The following CFAP57 variants were observed in gnomAD, a reference collection of about 807,000 sequenced individuals.
The protein encoded by CFAP57 is cilia and flagella associated protein 57, also known as cilia- and flagella-associated protein 57.
CFAP57 carries 116 observed loss-of-function variants against 146.8 expected under a neutral mutation model. That is an observed-to-expected ratio of 0.79 (90% CI 0.68 to 0.92). CFAP57 has a LOEUF of 0.92. Among genes scored for constraint, CFAP57 ranks in the 40% least tolerant of loss-of-function variants. The pLI is 0.00. For synonymous variants in CFAP57, 518 were observed against 552.8 expected, an observed-to-expected ratio of 0.94 and a Z score of 0.88; for missense variants, 1,377 against 1,527.2, an observed-to-expected ratio of 0.90 and a Z score of 1.64.
intron 12 of CFAP57, among the ~76,000 whole-genome samples, chr1:43,217,066 C>T (rs1035155097): frequency 2.6e-5 from 4 of 152,204 alleles, no homozygotes; most frequent in African/African-American, 7.2e-5. Flanking sequence ...CAGATCCTTC[C>T]AGGACAAATG....
Position 43,181,643 on chromosome 1 carries a change from G to A in CFAP57, c.267G>A (p.Leu89=), listed in dbSNP as rs1297032788. ...QEKPAITIYE[L]SSIPCRKRKV... is the part of the protein sequence containing the mutation. Reference sequence around the variant, plus strand: ...AACCTGCCATCACCATTTATGAATTGTCATCCATCCCTTGCCGGAAGCGCA... The same window carrying A: ...AACCTGCCATCACCATTTATGAATTATCATCCATCCCTTGCCGGAAGCGCA... Residue 89 remains leucine (L), a synonymous_variant, in exon 3 of 23, where the codon TTG becomes TTA. Coordinates refer to ENST00000372492, the MANE Select transcript of CFAP57 (RefSeq NM_001378189.1). The A allele has an allele frequency of 1.2e-6, 2 of 1,614,142 alleles. No individual in the cohort carries two copies. Among genetic ancestry groups the A allele is most frequent in the East Asian group, 2.2e-5 (1 of 44,894 alleles).
intron 7 of CFAP57, among the ~76,000 whole-genome samples, chr1:43,198,228 T>C (rs1021683897): frequency 1.3e-5 from 2 of 152,166 alleles, no homozygotes; most frequent in African/African-American, 4.8e-5. Flanking sequence ...TGGACAATAC[T>C]CATGAATTTT....
At chr1:43,219,308 C>T in intron 12 of CFAP57, 74 bp from the exon 13 acceptor site, 2 of 1,460,026 alleles carry the variant, frequency 1.4e-6, no homozygotes, top group South Asian at 2.9e-5. Flanking sequence ...GGTCTCAGGT[C>T]AAGGCCGCAG....
chr1:43,232,711 C>T (rs1209069644), intron 19 of CFAP57, 87 bp downstream of exon 19: 3 of 872,470 alleles, frequency 3.4e-6, no homozygotes, highest in Admixed American at 5.6e-5. Context: ...GAGGCAGAGC[C>T]AGCCCACTGC....
chr1:43,184,237 G>A (rs1457576589), intron 4 of CFAP57, among the ~76,000 whole-genome samples: 6 of 152,134 alleles, frequency 3.9e-5, no homozygotes, highest in African/African-American at 1.4e-4. Context: ...CTAGATGCTG[G>A]GGACACAAGT....
chr1:43,217,805 A>G (rs1644892928), intron 12 of CFAP57, among the ~76,000 whole-genome samples: 1 of 151,826 alleles, frequency 6.6e-6, no homozygotes, highest in Non-Finnish European at 1.5e-5. Flanking sequence ...GATCTTTATA[A>G]CACCAAAGTC....
intron 9 of CFAP57, among the ~76,000 whole-genome samples, chr1:43,202,086 TGGTCTC>T (rs1289841744): frequency 2.9e-4 from 44 of 152,306 alleles, no homozygotes; most frequent in Non-Finnish European, 2.9e-5. Flanking sequence ...CTTAAAACAC[TGGTCTC>T]TAATTAGGGA....
chr1:43,210,057 A>G (rs770140877), intron 11 of CFAP57, 141 bp downstream of exon 11: 28 of 1,613,898 alleles, frequency 1.7e-5, no homozygotes, highest in Non-Finnish European at 2.2e-5. Context: ...ATCACCATCT[A>G]TTGACTATGA....
rs1486008206 is a variant in CFAP57, at chr1:43,243,263, C to T, written c.3442C>T (p.Arg1148Cys). 4.5e-5 allele frequency: 70 copies of T among 1,550,044 alleles called. No individual in the cohort carries two copies. The East Asian group carries it at 7.8e-4, about 17-fold the overall frequency. ...TCTGATCAAGGAAATTAATGAGCTC[C>T]GCAGGGAGCTGAAGTTCACTCGGTC... ...VSLIKEINEL[R>C]RELKFTRSQV... Residue 1148 changes from arginine to cysteine, a missense_variant, in exon 22 of 23, where the codon CGC (arginine) becomes TGC (cysteine). Transcript: ENST00000372492.
At position 43,206,705 on chromosome 1, in the gene CFAP57, C is replaced by A. The variant is rs1644371432; in HGVS notation, c.1543-15C>A. 6.2e-7 allele frequency: 1 copy of A among 1,613,762 alleles called. No individual in the cohort carries two copies. Among genetic ancestry groups the A allele is most frequent in the Admixed American group, 1.7e-5 (1 of 59,922 alleles). On this transcript the variant is annotated splice_polypyrimidine_tract_variant and intron_variant, in intron 9 of 22. Coordinates refer to ENST00000372492, the MANE Select transcript of CFAP57 (RefSeq NM_001378189.1). Reference sequence around the variant, plus strand: ...TGTGTACACTCTTCACTGGATATGTCTTCCTCTCCTGCAGATTCGCTCAAT... The same window carrying A: ...TGTGTACACTCTTCACTGGATATGTATTCCTCTCCTGCAGATTCGCTCAAT...
At chr1:43,224,232 G>A in intron 17 of CFAP57, 28 bp downstream of exon 17, 3 of 1,500,634 alleles carry the variant, frequency 2.0e-6, no homozygotes, top group Non-Finnish European at 2.7e-6. Flanking sequence ...TCCTCCCTCA[G>A]CTACGGCCAG....
At position 43,177,144 on chromosome 1, in the gene CFAP57, G is replaced by A. The variant is rs751778136; in HGVS notation, c.157+4234G>A. On this transcript the variant is annotated intron_variant, in intron 2 of 22. Transcript: ENST00000372492. ...AGGTTCATTCTGGCTGCTGTACAGA[G>A]GACAGATTTAAGGAGGAGAAAGAAA... 40 of 456,270 alleles carry A rather than the reference G, an allele frequency of 8.8e-5. No individual in the cohort carries two copies. The Middle Eastern group carries it at 1.6e-3, about 19-fold the overall frequency. The allele number at this position is 456,270 out of a possible 1,614,324, so 28.3% of individuals were successfully genotyped here. A position where few individuals can be genotyped will look rare whatever the true frequency, so the allele number is the denominator to read the frequency against.
chr1:43,203,564 G>A (rs984824099), intron 9 of CFAP57, among the ~76,000 whole-genome samples: 2 of 152,100 alleles, frequency 1.3e-5, no homozygotes, highest in Non-Finnish European at 2.9e-5. Context: ...GGGTTCAAAC[G>A]ATTCTCCTGC....
intron 22 of CFAP57, 31 bp downstream of exon 22, chr1:43,243,390 C>T (rs1184618951): frequency 2.7e-6 from 4 of 1,486,506 alleles, no homozygotes; most frequent in Admixed American, 2.3e-5. Flanking sequence ...GGGAGATGGG[C>T]ACTGGGACGA....
At chr1:43,184,945 C>T (rs1055610185) in intron 4 of CFAP57, 5 of 596,324 alleles carry the variant, frequency 8.4e-6, no homozygotes, top group Non-Finnish European at 1.5e-5. Context: ...ACTCCACACG[C>T]CCCAAGCACT....
At chr1:43,244,427 A>G (rs952141060) in intron 22 of CFAP57, among the ~76,000 whole-genome samples, 1 of 152,172 alleles carries the variant, frequency 6.6e-6, no homozygotes, top group Non-Finnish European at 1.5e-5. Context: ...CTATATAACT[A>G]TATACATTTA....
At position 43,183,842 on chromosome 1, in the gene CFAP57, C is replaced by G. The variant is rs906854307; in HGVS notation, c.726C>G (p.Gly242=). 7 of 1,614,028 alleles carry G rather than the reference C, an allele frequency of 4.3e-6. No individual in the cohort carries two copies. Among genetic ancestry groups the G allele is most frequent in the Non-Finnish European group, 5.9e-6 (7 of 1,180,026 alleles). ...TAATGGTCAAGGAACCTACCAATGG[C>G]TCAAAGAGCCTGGATGTCATTCAGG... is the stretch of plus-strand genomic sequence containing the variant. ...TSIMVKEPTN[G]SKSLDVIQES... Residue 242 remains glycine (G), a synonymous_variant, in exon 4 of 23, where the codon GGC becomes GGG. Coordinates refer to ENST00000372492, the MANE Select transcript of CFAP57 (RefSeq NM_001378189.1).
At chr1:43,186,667 C>T (rs900406477) in intron 5 of CFAP57, 40 bp from the exon 6 acceptor site, 12 of 1,593,650 alleles carry the variant, frequency 7.5e-6, no homozygotes, top group South Asian at 2.2e-5. Context: ...ACAATGACAA[C>T]GTGGGGACAT....
At chr1:43,188,244 C>G (rs1344945001) in intron 6 of CFAP57, among the ~76,000 whole-genome samples, 1 of 152,044 alleles carries the variant, frequency 6.6e-6, no homozygotes, top group Non-Finnish European at 1.5e-5. Context: ...TACCTTTTGG[C>G]TTTTATGAAT....
Sources: allele counts gnomAD v4.1 joint callset (sites outside exome capture counted in the v4.1 genomes callset), GRCh38; gene constraint gnomAD v4.1.1; transcripts MANE v1.5; gene names NCBI Gene and HGNC (gene_info 2026-07-23, HGNC 2026-07-21).